The following GIGYF2 variants were observed in gnomAD, a reference collection of about 807,000 sequenced individuals.
GIGYF2 encodes GRB10 interacting GYF protein 2.
Under a neutral mutation model 208.1 loss-of-function variants are expected in GIGYF2, and 25 were observed. The ratio of observed to expected loss-of-function variants is 0.12; its 90% CI spans 0.09 to 0.17. The LOEUF (loss-of-function observed/expected upper bound fraction) is 0.17, where lower values mean the gene tolerates loss of function less well. Among genes scored for constraint, GIGYF2 ranks in the 10% least tolerant of loss-of-function variants. GIGYF2 has a pLI of 1.00. For missense variants in GIGYF2, 1,302 were observed against 1,579.4 expected, an observed-to-expected ratio of 0.82 and a Z score of 2.98; for synonymous variants, 534 against 543.8, an observed-to-expected ratio of 0.98 and a Z score of 0.25.
intron 1 of GIGYF2, chr2:232,700,487 A>T (rs571432869): frequency 6.6e-6 from 1 of 152,082 alleles, no homozygotes; most frequent in African/African-American, 2.4e-5. Flanking sequence ...AGGATCTTTG[A>T]CTTGTGCCAT....
chr2:232,753,464 G>T (rs780365059), intron 5 of GIGYF2, among the ~76,000 whole-genome samples: 4 of 151,914 alleles, frequency 2.6e-5, no homozygotes, highest in Non-Finnish European at 5.9e-5. Context: ...TTGCCGTGTT[G>T]GCCAGGCTAG....
chr2:232,849,020 G>T (rs1690191792), intron 27 of GIGYF2, among the ~76,000 whole-genome samples: 1 of 152,174 alleles, frequency 6.6e-6, no homozygotes, highest in Non-Finnish European at 1.5e-5. Flanking sequence ...TTATTCTAGA[G>T]ATAATCAGTA....
intron 16 of GIGYF2, chr2:232,810,364 C>T (rs1240910514): frequency 1.3e-5 from 2 of 155,232 alleles, no homozygotes; most frequent in African/African-American, 4.8e-5. Context: ...TTCTAAGTGC[C>T]TCCTGAGTGG....
At chr2:232,793,308 T>C (rs537684751) in intron 12 of GIGYF2, among the ~76,000 whole-genome samples, 1 of 152,334 alleles carries the variant, frequency 6.6e-6, no homozygotes, top group Admixed American at 6.5e-5. Flanking sequence ...GCAGTCACTA[T>C]GGGGTAGATA....
intron 3 of GIGYF2, among the ~76,000 whole-genome samples, chr2:232,739,361 A>AC (rs35983968): frequency 0.054 from 4,074 of 75,070 alleles, 405 homozygotes; most frequent in Non-Finnish European, 0.067. Flanking sequence ...ACAAAAGCAA[A>AC]CCCCCCCCCC....
intron 18 of GIGYF2, 107 bp downstream of exon 18, chr2:232,812,598 T>G (rs1016824710): frequency 1.5e-6 from 1 of 666,060 alleles, no homozygotes; most frequent in African/African-American, 1.8e-5. Flanking sequence ...ATCCATTTTG[T>G]ATTTGATATT....
At chr2:232,743,057 T>C (rs1698028224) in intron 3 of GIGYF2, among the ~76,000 whole-genome samples, 3 of 152,200 alleles carry the variant, frequency 2.0e-5, no homozygotes, top group African/African-American at 7.2e-5. Context: ...AGTTTGGATT[T>C]TGGACAACAC....
At position 232,824,932 on chromosome 2, in the gene GIGYF2, T is replaced by C. The variant is rs1454546218; in HGVS notation, c.2529+4947T>C. Reference sequence around the variant, plus strand: ...CTGAAAATCCTAGGGTCTTTAAGAATTATACTAAATCTACTCTGCCTGTGC... The same window carrying C: ...CTGAAAATCCTAGGGTCTTTAAGAACTATACTAAATCTACTCTGCCTGTGC... On this transcript the variant is annotated intron_variant, in intron 21 of 28. Transcript: ENST00000373563. 5.9e-5 allele frequency among the ~76,000 whole-genome samples: 9 copies of C among 152,326 alleles called. No homozygotes were observed. In the South Asian group the frequency reaches 1.0e-3, roughly 18 times the overall value.
chr2:232,768,157 G>A lies in GIGYF2; in HGVS notation c.532+6721G>A, dbSNP rs779138733. ...AGAAAAAGTAGCTGCATAACTGGCT[G>A]GGTGTATTTAATACATTAAAAAATG... is the stretch of plus-strand genomic sequence containing the variant. On this transcript the variant is annotated intron_variant, in intron 8 of 28. Transcript: ENST00000373563. 4.0e-5 allele frequency: 64 copies of A among 1,606,788 alleles called. No individual in the cohort carries two copies. The South Asian group carries it at 6.9e-4, about 17-fold the overall frequency.
intron 2 of GIGYF2, among the ~76,000 whole-genome samples, chr2:232,713,141 T>C (rs2106259785): frequency 6.6e-6 from 1 of 151,836 alleles, no homozygotes; most frequent in Non-Finnish European, 1.5e-5. Flanking sequence ...AGTGGCATGA[T>C]CTCTGCTCAC....
intron 23 of GIGYF2, among the ~76,000 whole-genome samples, chr2:232,843,495 G>A (rs1389279509): frequency 1.3e-5 from 2 of 151,614 alleles, no homozygotes; most frequent in Admixed American, 6.6e-5. Context: ...CCCGGGAGGC[G>A]GAGGTTGCAG....
At chr2:232,723,295 AT>A (rs938661855) in intron 2 of GIGYF2, among the ~76,000 whole-genome samples, 2 of 152,156 alleles carry the variant, frequency 1.3e-5, no homozygotes, top group Non-Finnish European at 2.9e-5. Context: ...TTTACATAAT[AT>A]TTTTATTGAA....
At chr2:232,788,565 A>G (rs1699985184) in intron 9 of GIGYF2, 3 of 471,150 alleles carry the variant, frequency 6.4e-6, no homozygotes, top group Non-Finnish European at 1.3e-5. Flanking sequence ...GAGAAAAGAA[A>G]TTCCAGCTGG....
At chr2:232,847,326 C>T (rs754024989) in intron 26 of GIGYF2, 22 bp from the exon 27 acceptor site, 5 of 1,607,468 alleles carry the variant, frequency 3.1e-6, no homozygotes, top group Non-Finnish European at 4.3e-6. Context: ...TTACCCTTAT[C>T]TTCTCCCCTC....
At chr2:232,804,647 A>G (rs1273023226) in intron 14 of GIGYF2, among the ~76,000 whole-genome samples, 1 of 152,018 alleles carries the variant, frequency 6.6e-6, no homozygotes, top group Non-Finnish European at 1.5e-5. Flanking sequence ...ATGCGCCACC[A>G]TGCCCAGCTA....
At chr2:232,844,319 A>T (rs368625758) in intron 24 of GIGYF2, 50 bp from the exon 25 acceptor site, 2 of 1,612,536 alleles carry the variant, frequency 1.2e-6, no homozygotes, top group Non-Finnish European at 1.7e-6. Flanking sequence ...CTGTCTTCTT[A>T]TCTTTTTAAC....
chr2:232,802,106 C>T (rs915352514), intron 14 of GIGYF2, among the ~76,000 whole-genome samples: 2 of 152,066 alleles, frequency 1.3e-5, no homozygotes, highest in African/African-American at 2.4e-5. Flanking sequence ...GATTTTTCAG[C>T]GTTGACTTTG....
At chr2:232,835,692 C>T (rs994310328) in intron 22 of GIGYF2, among the ~76,000 whole-genome samples, 6 of 152,130 alleles carry the variant, frequency 3.9e-5, no homozygotes, top group Non-Finnish European at 7.4e-5. Flanking sequence ...CTCCTCCCCC[C>T]GACCATGTTG....
In GIGYF2 at chr2:232,858,792, A is replaced by G. The variant is rs181300069; in HGVS notation, c.*1932A>G. 4.2e-4 allele frequency: 137 copies of G among 326,456 alleles called. No homozygotes were observed. The highest frequency in any genetic ancestry group is 2.7e-3 in the African/African-American group (123 of 46,332). 20.2% of individuals were successfully genotyped at this position (326,456 alleles called of 1,614,324 possible). On this transcript the variant is annotated 3_prime_UTR_variant, in exon 29 of 29. Transcript: ENST00000373563. ...TGGCTGGTTCTGTATTTGAGAATGTAGAGGTCAAGGCAGATGTCGGTAAGT... is the reference window on the plus strand; with the variant it reads ...TGGCTGGTTCTGTATTTGAGAATGTGGAGGTCAAGGCAGATGTCGGTAAGT...
Sources: gnomAD v4.1 joint callset for allele counts (sites outside exome capture counted in the v4.1 genomes callset) on GRCh38, gnomAD v4.1.1 for gene constraint, MANE v1.5 for transcripts, NCBI Gene and HGNC (gene_info 2026-07-23, HGNC 2026-07-21) for gene names.